Variants in MIPEP observed in about 807,000 individuals in gnomAD.
The protein encoded by MIPEP is mitochondrial intermediate peptidase.
MIPEP carries 79 observed loss-of-function variants against 90.3 expected under a neutral mutation model. The ratio of observed to expected loss-of-function variants is 0.87; its 90% CI spans 0.73 to 1.05. The LOEUF is 1.05. Among genes scored for constraint, MIPEP ranks in the 50% least tolerant of loss-of-function variants. MIPEP has a pLI of 0.00. For missense variants in MIPEP, 940 were observed against 905.6 expected (o/e 1.04, Z -0.49); for synonymous variants, 334 against 315.8 (o/e 1.06, Z -0.61).
chr13:23,815,073 A>C (rs1470349462), intron 14 of MIPEP, among the ~76,000 whole-genome samples: 1 of 152,244 alleles, frequency 6.6e-6, no homozygotes, highest in Non-Finnish European at 1.5e-5. Flanking sequence ...CATCAGGTTT[A>C]ACACAGATAC....
intron 16 of MIPEP, among the ~76,000 whole-genome samples, chr13:23,774,865 G>T (rs1400123776): frequency 7.3e-6 from 1 of 136,072 alleles, no homozygotes; most frequent in African/African-American, 2.8e-5. Flanking sequence ...GATGAGCTCG[G>T]CTCACTGCGG....
At chr13:23,822,329 C>A (rs1170830163) in intron 14 of MIPEP, among the ~76,000 whole-genome samples, 1 of 152,138 alleles carries the variant, frequency 6.6e-6, no homozygotes, top group Non-Finnish European at 1.5e-5. Flanking sequence ...ATGACTATAA[C>A]AAGACAATGC....
intron 10 of MIPEP, among the ~76,000 whole-genome samples, chr13:23,843,884 G>T (rs1011979833): frequency 5.9e-5 from 9 of 152,190 alleles, no homozygotes; most frequent in Non-Finnish European, 1.0e-4. Context: ...CAGGTTTCTG[G>T]CTTGGACAAA....
intron 5 of MIPEP, among the ~76,000 whole-genome samples, chr13:23,873,059 G>A (rs970804397): frequency 2.6e-5 from 4 of 152,200 alleles, no homozygotes; most frequent in African/African-American, 9.6e-5. Context: ...AAAGAAGAAT[G>A]CCACATGACT....
Position 23,783,764 on chromosome 13 carries a change from A to C in MIPEP, c.1848+22186T>G, listed in dbSNP as rs577391249. 1.1e-3 allele frequency among the ~76,000 whole-genome samples: 168 copies of C among 152,356 alleles called. 1 individual carries two copies. Among genetic ancestry groups the C allele is most frequent in the African/African-American group, 3.9e-3 (162 of 41,576 alleles). ...CAACTTCAGCAAAGTCTCAGGATACAAAATCAATGTGCAAAAATCACAAGC... is the reference window on the plus strand; with the variant it reads ...CAACTTCAGCAAAGTCTCAGGATACCAAATCAATGTGCAAAAATCACAAGC... On this transcript the variant is annotated intron_variant, in intron 16 of 18. Transcript: ENST00000382172.
At chr13:23,771,913 C>T (rs542492749) in intron 16 of MIPEP, among the ~76,000 whole-genome samples, 3 of 152,124 alleles carry the variant, frequency 2.0e-5, no homozygotes, top group Non-Finnish European at 4.4e-5. Context: ...CTTTCCTTTA[C>T]ATTGCCTAAG....
At chr13:23,826,541 T>C (rs1310475848) in intron 14 of MIPEP, among the ~76,000 whole-genome samples, 2 of 152,168 alleles carry the variant, frequency 1.3e-5, no homozygotes, top group African/African-American at 2.4e-5. Flanking sequence ...TTTTAAACTA[T>C]AGCTCTAAAC....
intron 1 of MIPEP, chr13:23,888,644 T>G: frequency 1.1e-6 from 1 of 891,486 alleles, no homozygotes; most frequent in Non-Finnish European, 1.3e-6. Flanking sequence ...AATTAATTAA[T>G]AGATGATGGA....
chr13:23,808,095 G>A (rs1953131214), intron 15 of MIPEP, among the ~76,000 whole-genome samples: 1 of 146,272 alleles, frequency 6.8e-6, no homozygotes, highest in African/African-American at 2.5e-5. Flanking sequence ...TAAAAACAGT[G>A]TTTTTTTTTT....
intron 16 of MIPEP, among the ~76,000 whole-genome samples, chr13:23,781,019 GA>G (rs1410017052): frequency 2.0e-5 from 3 of 152,186 alleles, no homozygotes; most frequent in Non-Finnish European, 4.4e-5. Context: ...AACCAAGTTG[GA>G]AAACACTCTG....
chr13:23,852,757 G>T (rs980976334), intron 10 of MIPEP, among the ~76,000 whole-genome samples: 2 of 152,180 alleles, frequency 1.3e-5, no homozygotes, highest in Non-Finnish European at 2.9e-5. Flanking sequence ...CCTCAGGCCG[G>T]TCCTTCAGGA....
intron 16 of MIPEP, among the ~76,000 whole-genome samples, chr13:23,762,129 A>C (rs1407073940): frequency 1.3e-5 from 2 of 152,138 alleles, no homozygotes; most frequent in Non-Finnish European, 2.9e-5. Flanking sequence ...TGTCTCAAAA[A>C]ATAATAATAA....
At chr13:23,868,357 G>C (rs1330042328) in intron 7 of MIPEP, among the ~76,000 whole-genome samples, 1 of 152,144 alleles carries the variant, frequency 6.6e-6, no homozygotes, top group Non-Finnish European at 1.5e-5. Flanking sequence ...CAGGTCAAGG[G>C]AAACAGTTGT....
chr13:23,753,504 T>C (rs1454216180), intron 18 of MIPEP, among the ~76,000 whole-genome samples: 1 of 152,214 alleles, frequency 6.6e-6, no homozygotes, highest in East Asian at 1.9e-4. Flanking sequence ...CAACTTGTCT[T>C]TTTTCCTGTG....
chr13:23,779,596 G>T (rs769223939), intron 16 of MIPEP, among the ~76,000 whole-genome samples: 2 of 152,038 alleles, frequency 1.3e-5, no homozygotes, highest in Non-Finnish European at 2.9e-5. Flanking sequence ...ACTGGGGCTC[G>T]TCGGACAGTA....
chr13:23,873,644 A>G (rs967609095), intron 5 of MIPEP, among the ~76,000 whole-genome samples: 3 of 152,222 alleles, frequency 2.0e-5, no homozygotes, highest in African/African-American at 7.2e-5. Flanking sequence ...ATAAGAATCA[A>G]GGTGATTTGC....
chr13:23,876,838 T>G (rs933348421), intron 4 of MIPEP, among the ~76,000 whole-genome samples: 1 of 152,194 alleles, frequency 6.6e-6, no homozygotes, highest in Non-Finnish European at 1.5e-5. Flanking sequence ...GTTTTATAAT[T>G]TCTTTTAAAA....
chr13:23,849,487 A>G (rs756891194), intron 10 of MIPEP, among the ~76,000 whole-genome samples: 1 of 152,234 alleles, frequency 6.6e-6, no homozygotes, highest in Non-Finnish European at 1.5e-5. Flanking sequence ...TGAAGAAAGA[A>G]AGTGGAAGAA....
intron 16 of MIPEP, among the ~76,000 whole-genome samples, chr13:23,785,956 C>G (rs1208187849): frequency 6.6e-6 from 1 of 152,184 alleles, no homozygotes; most frequent in South Asian, 2.1e-4. Flanking sequence ...CAGTGACTCA[C>G]GTCTGTAATC....
Sources: gnomAD v4.1 joint callset for allele counts (sites outside exome capture counted in the v4.1 genomes callset) on GRCh38, gnomAD v4.1.1 for gene constraint, MANE v1.5 for transcripts, NCBI Gene and HGNC (gene_info 2026-07-23, HGNC 2026-07-21) for gene names.